CNTNAP2: variants seen among roughly 807,000 people sequenced by gnomAD.
CNTNAP2 encodes the protein contactin associated protein 2.
In CNTNAP2, 98 loss-of-function variants were observed where a neutral mutation model predicts 155.2. The observed-to-expected ratio is 0.63, with a 90% CI of 0.54 to 0.75. The LOEUF (loss-of-function observed/expected upper bound fraction) is 0.75. Ranked by LOEUF, CNTNAP2 falls within the 30% of genes least tolerant of loss-of-function variation. The pLI is 0.00. For missense variants in CNTNAP2, 1,727 were observed against 1,688.1 expected (o/e 1.02, Z -0.40); for synonymous variants, 651 against 631.2 (o/e 1.03, Z -0.47).
chr7:147,871,680 CT>C (rs1335297991), intron 13 of CNTNAP2, among the ~76,000 whole-genome samples: 3 of 150,258 alleles, frequency 2.0e-5, no homozygotes, highest in Admixed American at 6.6e-5. Flanking sequence ...TTTTTTGCCC[CT>C]TTTTTTAACC....
chr7:147,354,543 G>A (rs1194799975), intron 9 of CNTNAP2, among the ~76,000 whole-genome samples: 1 of 152,122 alleles, frequency 6.6e-6, no homozygotes, highest in African/African-American at 2.4e-5. Flanking sequence ...CTGTAGCCTT[G>A]TAGTGTAGTT....
intron 3 of CNTNAP2, among the ~76,000 whole-genome samples, chr7:146,841,863 A>C (rs1036408665): frequency 2.6e-5 from 4 of 151,560 alleles, no homozygotes; most frequent in African/African-American, 9.7e-5. Flanking sequence ...AAGGAGGATA[A>C]AATTGTTCAG....
chr7:147,056,615 G>A (rs1799566117), intron 4 of CNTNAP2, among the ~76,000 whole-genome samples: 1 of 152,102 alleles, frequency 6.6e-6, no homozygotes, highest in Admixed American at 6.5e-5. Context: ...ACAAAATAAT[G>A]TATACTTACT....
Position 146,464,190 on chromosome 7 carries a change from T to G in CNTNAP2, c.98-310081T>G, listed in dbSNP as rs865927183. ...TCAATGTCTTTCCTTTGAAACTGTT[T>G]TTTTTTTTTTTTTTTTGGCTCTCTT... On this transcript the variant is annotated intron_variant, in intron 1 of 23. Transcript: ENST00000361727. Among the ~76,000 whole-genome samples, 847 of 120,612 alleles carry G rather than the reference T, an allele frequency of 7.0e-3. 3 individuals are homozygous for G. Among genetic ancestry groups the G allele is most frequent in the Middle Eastern group, 0.036 (8 of 222 alleles). The allele number at this position is 120,612 out of a possible 152,430, so 79.1% of individuals were successfully genotyped here.
intron 20 of CNTNAP2, among the ~76,000 whole-genome samples, chr7:148,230,808 A>G (rs1795948795): frequency 6.6e-6 from 1 of 152,176 alleles, no homozygotes; most frequent in Non-Finnish European, 1.5e-5. Flanking sequence ...AGGTGGCATA[A>G]TAAGGTTCTC....
chr7:147,744,051 T>C (rs1259277937), intron 13 of CNTNAP2, among the ~76,000 whole-genome samples: 1 of 152,202 alleles, frequency 6.6e-6, no homozygotes, highest in Non-Finnish European at 1.5e-5. Flanking sequence ...GAATATTAAA[T>C]GAGATAATGC....
intron 22 of CNTNAP2, among the ~76,000 whole-genome samples, chr7:148,392,773 G>T (rs913780389): frequency 2.6e-5 from 4 of 152,208 alleles, no homozygotes; most frequent in Non-Finnish European, 5.9e-5. Context: ...CAGGTTGGCA[G>T]AGTGGCTGAA....
chr7:147,174,769 T>C (rs1036714112), intron 8 of CNTNAP2, among the ~76,000 whole-genome samples: 8 of 152,108 alleles, frequency 5.3e-5, no homozygotes, highest in African/African-American at 1.7e-4. Flanking sequence ...ATATGATAAT[T>C]AATATTGTAT....
chr7:148,268,742 C>T (rs1471665529), intron 21 of CNTNAP2, among the ~76,000 whole-genome samples: 1 of 152,088 alleles, frequency 6.6e-6, no homozygotes, highest in Non-Finnish European at 1.5e-5. Flanking sequence ...GATATTAGCC[C>T]ATTCAATCTT....
intron 18 of CNTNAP2, among the ~76,000 whole-genome samples, chr7:148,213,391 C>T (rs771403142): frequency 2.0e-5 from 3 of 152,102 alleles, no homozygotes; most frequent in Admixed American, 2.0e-4. Context: ...AGGTTCTTGC[C>T]GGTGACACGC....
chr7:148,302,650 A>G (rs1170566977), intron 21 of CNTNAP2, among the ~76,000 whole-genome samples: 2 of 151,850 alleles, frequency 1.3e-5, no homozygotes, highest in Non-Finnish European at 2.9e-5. Context: ...TTCTCACAAG[A>G]TCTGATGGTT....
chr7:147,330,548 T>A (rs1795541077), intron 9 of CNTNAP2, among the ~76,000 whole-genome samples: 1 of 152,208 alleles, frequency 6.6e-6, no homozygotes, highest in African/African-American at 2.4e-5. Flanking sequence ...AACTGAGTCC[T>A]TCACCTGAAG....
intron 9 of CNTNAP2, among the ~76,000 whole-genome samples, chr7:147,336,837 A>G (rs1795672728): frequency 6.6e-6 from 1 of 152,096 alleles, no homozygotes; most frequent in South Asian, 2.1e-4. Context: ...ACAATTCTCT[A>G]GAACTCTATG....
At chr7:147,996,189 GA>G (rs1332093028) in intron 15 of CNTNAP2, among the ~76,000 whole-genome samples, 1 of 152,202 alleles carries the variant, frequency 6.6e-6, no homozygotes, top group Non-Finnish European at 1.5e-5. Context: ...TTTATGTGAT[GA>G]AAACCAAACT....
At chr7:147,524,305 G>T (rs1384931387) in intron 11 of CNTNAP2, among the ~76,000 whole-genome samples, 1 of 152,130 alleles carries the variant, frequency 6.6e-6, no homozygotes, top group Non-Finnish European at 1.5e-5. Context: ...CAGGACAATT[G>T]CTTGAACCCG....
chr7:147,369,956 C>T (rs1041620614), intron 9 of CNTNAP2, among the ~76,000 whole-genome samples: 4 of 152,200 alleles, frequency 2.6e-5, no homozygotes, highest in African/African-American at 4.8e-5. Flanking sequence ...TCGGTCCTTG[C>T]GGACTTAGAT....
At position 146,571,634 on chromosome 7, in the gene CNTNAP2, A is replaced by G. The variant is rs192248411; in HGVS notation, c.98-202637A>G. Reference sequence around the variant, plus strand: ...CTATTAATTTTGAAACAAAACAAAGATGCATTGAAATATTTCTAAATGTCC... The same window carrying G: ...CTATTAATTTTGAAACAAAACAAAGGTGCATTGAAATATTTCTAAATGTCC... On this transcript the variant is annotated intron_variant, in intron 1 of 23. Coordinates refer to ENST00000361727, the MANE Select transcript of CNTNAP2 (RefSeq NM_014141.6). Among the ~76,000 whole-genome samples, 9 of 152,322 alleles carry G rather than the reference A, an allele frequency of 5.9e-5. No individual in the cohort carries two copies. In the East Asian group the frequency reaches 1.4e-3, roughly 23 times the overall value.
intron 2 of CNTNAP2, among the ~76,000 whole-genome samples, chr7:146,839,251 T>C (rs1463827481): frequency 6.6e-6 from 1 of 152,196 alleles, no homozygotes; most frequent in African/African-American, 2.4e-5. Flanking sequence ...CAAATATTTT[T>C]CTACTTTACT....
At chr7:146,964,131 A>G (rs1012748870) in intron 3 of CNTNAP2, among the ~76,000 whole-genome samples, 21 of 152,310 alleles carry the variant, frequency 1.4e-4, no homozygotes, top group Admixed American at 1.2e-3. Flanking sequence ...AGAATTGGAA[A>G]CTTTCTTCAT....
Sources: gnomAD v4.1 joint callset for allele counts (sites outside exome capture counted in the v4.1 genomes callset) on GRCh38, gnomAD v4.1.1 for gene constraint, MANE v1.5 for transcripts, NCBI Gene and HGNC (gene_info 2026-07-23, HGNC 2026-07-21) for gene names.